The following BTNL9 variants were observed in gnomAD, a reference collection of about 807,000 sequenced individuals.
BTNL9 encodes the protein butyrophilin like 9.
In BTNL9, 45 loss-of-function variants were observed where a neutral mutation model predicts 45.8. That is an observed-to-expected ratio of 0.98 (90% CI 0.77 to 1.26). The LOEUF (loss-of-function observed/expected upper bound fraction) is 1.26, where lower values mean the gene tolerates loss of function less well. Among genes scored for constraint, BTNL9 ranks in the 50% most tolerant of loss-of-function variants. The pLI, the probability that BTNL9 is intolerant of heterozygous loss-of-function variation, is 0.00. For missense variants in BTNL9, 784 were observed against 729.7 expected, an observed-to-expected ratio of 1.07 and a Z score of -0.86; for synonymous variants, 346 against 330.8, an observed-to-expected ratio of 1.05 and a Z score of -0.50.
intron 3 of BTNL9, among the ~76,000 whole-genome samples, chr5:181,049,342 T>C (rs1229319796): frequency 1.3e-5 from 2 of 152,212 alleles, no homozygotes; most frequent in African/African-American, 4.8e-5. Flanking sequence ...AAGCTGAGTA[T>C]GCTCTATCCA....
chr5:181,055,634 C>A lies in BTNL9; in HGVS notation c.928+181C>A. On this transcript the variant is annotated intron_variant, in intron 8 of 10. Coordinates refer to ENST00000327705, the MANE Select transcript of BTNL9 (RefSeq NM_152547.5). The surrounding 1 kb of genome is among the most constrained non-coding windows in gnomAD (Gnocchi z 4.4). The stretch of plus-strand genomic sequence containing the variant: ...AATACAAAAAATTAGCCCGGCGTGG[C>A]GGCATGTGCCTGTAGTCCCAGCTAC... The A allele has an allele frequency of 1.3e-6, 1 of 741,072 alleles. No individual in the cohort carries two copies. Among genetic ancestry groups the A allele is most frequent in the Non-Finnish European group, 2.3e-6 (1 of 442,450 alleles). 45.9% of individuals were successfully genotyped at this position (741,072 alleles called of 1,614,324 possible).
In BTNL9 at chr5:181,059,813, C is replaced by G. The variant is rs1414089084; in HGVS notation, c.1559C>G (p.Thr520Ser). The G allele has an allele frequency of 3.8e-6, 6 of 1,599,416 alleles. No individual in the cohort carries two copies. In the African/African-American group the frequency reaches 5.3e-5, roughly 14 times the overall value. Residue 520 changes from threonine (T) to serine (S), a missense_variant, in exon 11 of 11, where the codon ACC becomes AGC. Physicochemically the swap from Thr to Ser is moderately conservative, Grantham distance 58. Transcript: ENST00000327705. ...TGVPEENDSDTWLQPYEPADP... is the reference protein window; with the variant it reads ...TGVPEENDSDSWLQPYEPADP... The stretch of plus-strand genomic sequence containing the variant: ...GTCCCCGAAGAGAACGACAGTGACA[C>G]CTGGCTACAGCCCTATGAGCCCGCG...
chr5:181,050,410 T>C lies in BTNL9; in HGVS notation c.736+41T>C, dbSNP rs1487619610. 3 of 1,601,560 alleles carry C rather than the reference T, an allele frequency of 1.9e-6. No homozygotes were observed. Among genetic ancestry groups the C allele is most frequent in the Non-Finnish European group, 2.6e-6 (3 of 1,172,412 alleles). On this transcript the variant is annotated intron_variant, in intron 4 of 10. Transcript: ENST00000327705. The surrounding 1 kb of genome is among the most constrained non-coding windows in gnomAD (Gnocchi z 4.9). The stretch of plus-strand genomic sequence containing the variant: ...CTCACACCCATCTTCCTAGTCCTCA[T>C]GTGTACATACACATTGGCCCAAAGG...
intron 2 of BTNL9, 136 bp from the exon 3 acceptor site, chr5:181,047,791 G>T: frequency 2.4e-6 from 2 of 835,752 alleles, no homozygotes; most frequent in East Asian, 2.7e-5. Flanking sequence ...AAGGATCTAG[G>T]CCAGTTGTCC....
At chr5:181,049,239 A>T (rs975564184) in intron 3 of BTNL9, among the ~76,000 whole-genome samples, 11 of 151,092 alleles carry the variant, frequency 7.3e-5, no homozygotes, top group Admixed American at 6.6e-4. Flanking sequence ...GATACCTCCA[A>T]TATGAAAAAA....
At chr5:181,056,704 GTCCAC>G in intron 9 of BTNL9, 1 of 687,622 alleles carries the variant, frequency 1.5e-6, no homozygotes, top group Non-Finnish European at 2.7e-6. Context: ...TGGTGGGTAT[GTCCAC>G]TAAGGGGATA....
Position 181,053,330 on chromosome 5 carries a change from C to CGGCGG in BTNL9, c.853+22_853+26dup. On this transcript the variant is annotated intron_variant, in intron 5 of 10. Coordinates refer to ENST00000327705, the MANE Select transcript of BTNL9 (RefSeq NM_152547.5). The surrounding 1 kb of genome is among the most constrained non-coding windows in gnomAD (Gnocchi z 6.5). ...GGAGAAGCCGAGGTACCGGCGCGGG[C>CGGCGG]GGCGGGGCGGGGAGGGGCACCGGCC... 6.5e-7 allele frequency: 1 copy of CGGCGG among 1,535,126 alleles called. No individual in the cohort carries two copies.
intron 9 of BTNL9, among the ~76,000 whole-genome samples, chr5:181,058,068 A>G (rs1227106601): frequency 6.6e-6 from 1 of 152,172 alleles, no homozygotes; most frequent in Admixed American, 6.5e-5. Flanking sequence ...CAGGCTGCTT[A>G]TAGAGTCTCT....
In BTNL9 at chr5:181,061,253, A is replaced by G. The variant is rs1762125693; in HGVS notation, c.*1391A>G. ...TATAAAGAAAGAAAGAGACAAGTCA[A>G]ATGTAGTAAAATGACAACACTTGGT... is the stretch of plus-strand genomic sequence containing the variant. On this transcript the variant is annotated 3_prime_UTR_variant, in exon 11 of 11. Coordinates refer to ENST00000327705, the MANE Select transcript of BTNL9 (RefSeq NM_152547.5). The G allele has an allele frequency of 6.6e-6, 1 of 152,250 alleles. No individual in the cohort carries two copies. The highest frequency in any genetic ancestry group is 2.4e-5 in the African/African-American group (1 of 41,466). 9.4% of individuals were successfully genotyped at this position (152,250 alleles called of 1,614,324 possible). A position where few individuals can be genotyped will look rare whatever the true frequency, so the allele number is the denominator to read the frequency against.
chr5:181,053,431 G>C lies in BTNL9; in HGVS notation c.854-38G>C, dbSNP rs1416876134. On this transcript the variant is annotated intron_variant, in intron 5 of 10. Coordinates refer to ENST00000327705, the MANE Select transcript of BTNL9 (RefSeq NM_152547.5). The surrounding 1 kb of genome is among the most constrained non-coding windows in gnomAD (Gnocchi z 6.5). ...GGAAGGCGGCCTGGAAGGGGCGGGG[G>C]CGCGCACTCAGCCCTCTCCGCTCCC... The C allele has an allele frequency of 6.4e-7, 1 of 1,552,314 alleles. No individual in the cohort carries two copies.
rs1232025401 is a variant in BTNL9, at chr5:181,060,292, A to G, written c.*430A>G. ...ATAACACTTCGTAAGCAACGAGTTC[A>G]CCTAAGTAAGGCTCAGATCCTAGTT... On this transcript the variant is annotated 3_prime_UTR_variant, in exon 11 of 11. Transcript: ENST00000327705. 6.3e-6 allele frequency: 1 copy of G among 159,444 alleles called. No individual in the cohort carries two copies. Among genetic ancestry groups the G allele is most frequent in the Non-Finnish European group, 1.4e-5 (1 of 73,330 alleles). The allele number at this position is 159,444 out of a possible 1,614,324, so 9.9% of individuals were successfully genotyped here. A position where few individuals can be genotyped will look rare whatever the true frequency, so the allele number is the denominator to read the frequency against.
Position 181,042,257 on chromosome 5 carries a change from C to T in BTNL9, c.-24+1825C>T, listed in dbSNP as rs553399917. 3.3e-5 allele frequency among the ~76,000 whole-genome samples: 5 copies of T among 152,312 alleles called. No individual in the cohort carries two copies. Among genetic ancestry groups the T allele is most frequent in the South Asian group, 2.1e-4 (1 of 4,822 alleles). ...GGGAGGACAAGCAGCACGTGCCCGC[C>T]GGCAGAGCTCAGCTCCAGCTGGAGG... On this transcript the variant is annotated intron_variant, in intron 1 of 10. Transcript: ENST00000327705. The surrounding 1 kb of genome is among the most constrained non-coding windows in gnomAD (Gnocchi z 4.5).
At chr5:181,047,085 T>G (rs889745762) in intron 2 of BTNL9, among the ~76,000 whole-genome samples, 6 of 152,068 alleles carry the variant, frequency 3.9e-5, no homozygotes, top group Non-Finnish European at 5.9e-5. Flanking sequence ...AGCTTTGGGA[T>G]GGAGTTTTAG....
Position 181,056,033 on chromosome 5 carries a change from C to G in BTNL9, c.955+18C>G. 1 of 1,613,806 alleles carries G rather than the reference C, an allele frequency of 6.2e-7. No homozygotes were observed. The highest frequency in any genetic ancestry group is 8.5e-7 in the Non-Finnish European group (1 of 1,179,820). On this transcript the variant is annotated intron_variant, in intron 9 of 10. Transcript: ENST00000327705. ...CCAGGCTGGTGAGTGGAACCCATCT[C>G]TCTCTGACTCCTCCTCATTTATATC...
rs1484596788 is a variant in BTNL9 at position 181,058,373 on chromosome 5, A to G, written c.977A>G (p.Tyr326Cys). The part of the protein sequence containing the change: ...GQAEWRAAQK[Y>C]AVDVTLDPAS... ...TCAGAGTGGAGAGCAGCCCAAAAAT[A>G]TGCAGGTAACTGAAGCCAGGAAACT... Residue 326 changes from tyrosine (Y) to cysteine (C), a missense_variant, in exon 10 of 11, where the codon TAT (tyrosine) becomes TGT (cysteine). Physicochemically the swap from Tyr to Cys is radical, Grantham distance 194. Coordinates refer to ENST00000327705, the MANE Select transcript of BTNL9 (RefSeq NM_152547.5). 1.2e-6 allele frequency: 2 copies of G among 1,614,150 alleles called. No homozygotes were observed. The highest frequency in any genetic ancestry group is 1.7e-6 in the Non-Finnish European group (2 of 1,180,002).
chr5:181,058,233 A>G, intron 9 of BTNL9, 119 bp from the exon 10 acceptor site: 3 of 1,195,644 alleles, frequency 2.5e-6, no homozygotes, highest in Non-Finnish European at 3.7e-6. Flanking sequence ...CAGTTGTCAC[A>G]GTGGGAATGG....
rs1761823839 is a variant in BTNL9, at chr5:181,055,397, G to T, written c.908-36G>T. The T allele has an allele frequency of 6.2e-7, 1 of 1,613,992 alleles. No homozygotes were observed. The highest frequency in any genetic ancestry group is 8.5e-7 in the Non-Finnish European group (1 of 1,180,012). On this transcript the variant is annotated intron_variant, in intron 7 of 10. Coordinates refer to ENST00000327705, the MANE Select transcript of BTNL9 (RefSeq NM_152547.5). This position sits in a 1 kb window ranked among gnomAD's most constrained non-coding sequence, Gnocchi z 4.4. Reference sequence around the variant, plus strand: ...CTTGGGAAGATGGTTCCACCCACCTGCAGGCTGAAGTTTTCTTTGTGTGTT... The same window carrying T: ...CTTGGGAAGATGGTTCCACCCACCTTCAGGCTGAAGTTTTCTTTGTGTGTT...
At chr5:181,046,877 G>T (rs966268634) in intron 2 of BTNL9, among the ~76,000 whole-genome samples, 1 of 152,206 alleles carries the variant, frequency 6.6e-6, no homozygotes, top group African/African-American at 2.4e-5. Context: ...ATTAGCTGAG[G>T]TAGGGTGTGC....
chr5:181,045,657 TC>T, intron 2 of BTNL9, 59 bp downstream of exon 2: 1 of 1,339,130 alleles, frequency 7.5e-7, no homozygotes. Context: ...TGCCAGGTGC[TC>T]CCCAGGGCTA....
Sources: gnomAD v4.1 joint callset for allele counts (sites outside exome capture counted in the v4.1 genomes callset) on GRCh38, gnomAD v4.1.1 for gene constraint, Gnocchi (gnomAD v3.1) non-coding constraint, MANE v1.5 for transcripts, NCBI Gene and HGNC (gene_info 2026-07-23, HGNC 2026-07-21) for gene names.